Variants in CLCN4 observed in about 807,000 individuals in gnomAD.
CLCN4 encodes the protein Cl-/H+ antiporter 4.
CLCN4 carries 1 observed loss-of-function variant against 41.7 expected under a neutral mutation model. The ratio of observed to expected loss-of-function variants is 0.02; its 90% CI spans 0.01 to 0.11. The LOEUF (loss-of-function observed/expected upper bound fraction) is 0.11, where lower values mean the gene tolerates loss of function less well. CLCN4 is among the 10% of genes least tolerant of loss of function. The probability of loss-of-function intolerance (pLI) is 1.00; values close to 1 mark genes in which losing one functional copy is unlikely to be tolerated. For missense variants in CLCN4, 287 were observed against 661.0 expected, an observed-to-expected ratio of 0.43 and a Z score of 6.20; for synonymous variants, 277 against 285.8, an observed-to-expected ratio of 0.97 and a Z score of 0.31.
At chrX:10,205,860 C>A (rs2147178227) in intron 6 of CLCN4, among the ~76,000 whole-genome samples, 1 of 109,731 alleles carries the variant, frequency 9.1e-6, no homozygotes, top group East Asian at 2.9e-4. Flanking sequence ...CTCAAGCGAT[C>A]CTCCCACCTC....
chrX:10,159,536 C>T (rs1923040198), intron 2 of CLCN4, among the ~76,000 whole-genome samples: 1 of 110,663 alleles, frequency 9.0e-6, no homozygotes, highest in African/African-American at 3.3e-5. Context: ...GCATTATTTT[C>T]CCCTCTAAAA....
At chrX:10,218,442 GAGTT>G (rs757770362) in intron 11 of CLCN4, among the ~76,000 whole-genome samples, 2 of 111,971 alleles carry the variant, frequency 1.8e-5, no homozygotes, top group East Asian at 5.6e-4. Flanking sequence ...CCTGGGTGAG[GAGTT>G]AGTTGGTTTA....
chrX:10,232,139 C>G (rs1355847516), intron 12 of CLCN4, among the ~76,000 whole-genome samples: 1 of 111,946 alleles, frequency 8.9e-6, no homozygotes, highest in Admixed American at 9.5e-5. Flanking sequence ...TATTTGCTGT[C>G]TCTCTCAGTG....
chrX:10,216,918 T>TATATACACACAC (rs773265490), intron 11 of CLCN4, among the ~76,000 whole-genome samples: 5 of 38,919 alleles, frequency 1.3e-4, no homozygotes, highest in Admixed American at 3.6e-4. Flanking sequence ...TATATATATA[T>TATATACACACAC]ACACACACAC....
intron 1 of CLCN4, among the ~76,000 whole-genome samples, chrX:10,157,387 A>C (rs190275599): frequency 8.9e-6 from 1 of 112,102 alleles, no homozygotes; most frequent in Non-Finnish European, 1.9e-5. Context: ...AATCTATTTC[A>C]TGTCTCCTTC....
chrX:10,202,638 C>CAA (rs759089094), intron 6 of CLCN4, among the ~76,000 whole-genome samples: 518 of 19,611 alleles, frequency 0.026, 30 homozygotes, highest in Non-Finnish European at 0.042. Context: ...GACCCTGCCT[C>CAA]AAAAAAAAAA....
intron 2 of CLCN4, among the ~76,000 whole-genome samples, chrX:10,175,864 C>G (rs1403218627): frequency 1.8e-5 from 2 of 109,376 alleles, no homozygotes; most frequent in African/African-American, 6.7e-5. Context: ...ACCTCTCTCT[C>G]TCTCTCTCCC....
At chrX:10,206,923 G>GTT in intron 8 of CLCN4, 147 bp downstream of exon 8, 1 of 460,185 alleles carries the variant, frequency 2.2e-6, no homozygotes, top group Non-Finnish European at 3.5e-6. Flanking sequence ...TTTTGTTTTT[G>GTT]TTTTTGTTTT....
chrX:10,163,611 A>T (rs1923167767), intron 2 of CLCN4, among the ~76,000 whole-genome samples: 1 of 110,636 alleles, frequency 9.0e-6, no homozygotes, highest in Non-Finnish European at 1.9e-5. Flanking sequence ...TCACCATGTT[A>T]TCCAGGCTGG....
chrX:10,203,503 C>T (rs1469856531), intron 6 of CLCN4, among the ~76,000 whole-genome samples: 1 of 111,759 alleles, frequency 8.9e-6, no homozygotes, highest in Non-Finnish European at 1.9e-5. Context: ...TGGATGAGCT[C>T]ACTTCATGAC....
intron 11 of CLCN4, among the ~76,000 whole-genome samples, chrX:10,214,903 A>G (rs1449601337): frequency 1.8e-5 from 2 of 111,744 alleles, no homozygotes; most frequent in East Asian, 2.8e-4. Context: ...GCTGAGGGCC[A>G]GAGGTCTGGT....
chrX:10,193,802 T>G (rs1362524916), intron 4 of CLCN4, among the ~76,000 whole-genome samples: 3 of 111,414 alleles, frequency 2.7e-5, no homozygotes, highest in African/African-American at 9.8e-5. Flanking sequence ...GGGCCAGATT[T>G]GGCCCATGGG....
At position 10,223,280 on chromosome X, in the gene CLCN4, C is replaced by A. The variant is rs143305310; in HGVS notation, c.2192+2403C>A. Among the ~76,000 whole-genome samples the A allele has an allele frequency of 2.9e-3, 329 of 111,740 alleles. 2 individuals are homozygous for A. The highest frequency in any genetic ancestry group is 0.01 in the African/African-American group (311 of 30,715). On this transcript the variant is annotated intron_variant, in intron 12 of 12. Transcript: ENST00000380833. ...TTCTCCTTTCCTTTAAAACAATAAT[C>A]CAAAGTCAATTATCGTTGGAATTTC...
At chrX:10,209,289 CTCCCTTCCT>C (rs1555976505) in intron 9 of CLCN4, among the ~76,000 whole-genome samples, 2 of 91,187 alleles carry the variant, frequency 2.2e-5, no homozygotes, top group Non-Finnish European at 4.2e-5. Context: ...CCCTCCCTCC[CTCCCTTCCT>C]TCCCTTCCTT....
chrX:10,194,541 T>C (rs1924048043), intron 4 of CLCN4, among the ~76,000 whole-genome samples: 1 of 111,711 alleles, frequency 9.0e-6, no homozygotes, highest in Non-Finnish European at 1.9e-5. Context: ...TATTAATGTG[T>C]GTGATTCTAG....
chrX:10,194,298 AT>A (rs760973829), intron 4 of CLCN4, among the ~76,000 whole-genome samples: 4 of 112,098 alleles, frequency 3.6e-5, no homozygotes, highest in Non-Finnish European at 7.5e-5. Flanking sequence ...GCCTTTTGTG[AT>A]CCATTCAACT....
intron 6 of CLCN4, among the ~76,000 whole-genome samples, chrX:10,204,203 A>G (rs1924312228): frequency 8.9e-6 from 1 of 112,098 alleles, no homozygotes; most frequent in Non-Finnish European, 1.9e-5. Flanking sequence ...TAAAAGCATT[A>G]GGCAAAGACT....
chrX:10,174,181 C>T (rs1160276483), intron 2 of CLCN4, among the ~76,000 whole-genome samples: 2 of 112,243 alleles, frequency 1.8e-5, no homozygotes, highest in Non-Finnish European at 3.8e-5. Context: ...AAGTTAGCCA[C>T]TACCGTGGAA....
intron 11 of CLCN4, among the ~76,000 whole-genome samples, chrX:10,217,448 C>T (rs753620877): frequency 3.6e-5 from 4 of 112,253 alleles, no homozygotes; most frequent in African/African-American, 9.7e-5. Flanking sequence ...GTCAGCAGCA[C>T]TTGCCCTCTC....
Sources: allele counts gnomAD v4.1 joint callset (sites outside exome capture counted in the v4.1 genomes callset), GRCh38; gene constraint gnomAD v4.1.1; transcripts MANE v1.5; gene names NCBI Gene and HGNC (gene_info 2026-07-23, HGNC 2026-07-21).